Variants in NPL observed in about 807,000 individuals in gnomAD.
The protein encoded by NPL is N-acetylneuraminate pyruvate lyase.
NPL carries 32 observed loss-of-function variants against 41.1 expected under a neutral mutation model. The observed-to-expected ratio is 0.78, with a 90% CI of 0.59 to 1.05. NPL has a LOEUF of 1.05. Among genes scored for constraint, NPL ranks in the 50% least tolerant of loss-of-function variants. The pLI, the probability that NPL is intolerant of heterozygous loss-of-function variation, is 0.00. For missense variants in NPL, 321 were observed against 378.4 expected, an observed-to-expected ratio of 0.85 and a Z score of 1.26; for synonymous variants, 128 against 134.9, an observed-to-expected ratio of 0.95 and a Z score of 0.35.
chr1:182,801,506 C>A (rs71632165), intron 3 of NPL, among the ~76,000 whole-genome samples: 2 of 152,124 alleles, frequency 1.3e-5, no homozygotes, highest in African/African-American at 4.8e-5. Flanking sequence ...AGCCAACTCC[C>A]TAAAAAGAGG....
rs538889831 is a variant in NPL at position 182,821,837 on chromosome 1, C to T, written c.654-278C>T. 7.9e-5 allele frequency among the ~76,000 whole-genome samples: 12 copies of T among 152,308 alleles called. No homozygotes were observed. The East Asian group carries it at 2.3e-3, about 29-fold the overall frequency. ...TGTACCCTAGGGCAAGAGCTGGCCT[C>T]AGTCGCTTCCTAACAAATACACCTC... On this transcript the variant is annotated intron_variant, in intron 10 of 12. Coordinates refer to ENST00000367553, the MANE Select transcript of NPL (RefSeq NM_030769.3).
intron 5 of NPL, among the ~76,000 whole-genome samples, chr1:182,808,959 TAA>T (rs61310123): frequency 3.0e-4 from 35 of 118,248 alleles, no homozygotes; most frequent in Non-Finnish European, 1.8e-4. Flanking sequence ...AACCCTGTCT[TAA>T]AAAAAAAAAA....
At position 182,814,752 on chromosome 1, in the gene NPL, CT is replaced by C. The variant is rs754042370; in HGVS notation, c.289-30del. ...ATAGGTGACTATAGTAAATCACTTGCTCCAATATGGTCTTCTTTCTTCCTTT... is the reference window on the plus strand; with the variant it reads ...ATAGGTGACTATAGTAAATCACTTGCCCAATATGGTCTTCTTTCTTCCTTT... On this transcript the variant is annotated intron_variant, in intron 6 of 12. Transcript: ENST00000367553. 1.3e-5 allele frequency: 20 copies of C among 1,584,652 alleles called. No individual in the cohort carries two copies. In the African/African-American group the frequency reaches 2.4e-4, roughly 19 times the overall value.
At chr1:182,801,441 G>A (rs755444181) in intron 3 of NPL, among the ~76,000 whole-genome samples, 1 of 152,086 alleles carries the variant, frequency 6.6e-6, no homozygotes, top group Non-Finnish European at 1.5e-5. Context: ...TGAAGTTCAT[G>A]GAGAAAAAAG....
At chr1:182,818,891 A>G in intron 10 of NPL, 32 bp downstream of exon 10, 1 of 1,598,580 alleles carries the variant, frequency 6.3e-7, no homozygotes, top group Non-Finnish European at 8.6e-7. Context: ...CAGTGGTTAT[A>G]AAGTCCCCCA....
At chr1:182,812,237 A>G in intron 6 of NPL, 24 bp downstream of exon 6, 1 of 1,608,080 alleles carries the variant, frequency 6.2e-7, no homozygotes, top group Non-Finnish European at 8.5e-7. Flanking sequence ...TCCATCTGGG[A>G]GAGACCATTC....
At chr1:182,808,534 T>C (rs1238587488) in intron 5 of NPL, among the ~76,000 whole-genome samples, 1 of 152,126 alleles carries the variant, frequency 6.6e-6, no homozygotes, top group African/African-American at 2.4e-5. Flanking sequence ...GATGGAGTCA[T>C]ACATTAGGAA....
At chr1:182,793,043 C>T (rs917906285) in intron 2 of NPL, among the ~76,000 whole-genome samples, 5 of 152,174 alleles carry the variant, frequency 3.3e-5, no homozygotes, top group Admixed American at 2.6e-4. Context: ...TTGTTGGTCA[C>T]CTACAGACAT....
chr1:182,828,778 T>C lies in NPL; in HGVS notation c.833T>C (p.Met278Thr). 2 of 1,614,180 alleles carry C rather than the reference T, an allele frequency of 1.2e-6. No homozygotes were observed. The highest frequency in any genetic ancestry group is 2.2e-5 in the East Asian group (1 of 44,872). ...ATGACTCTGGTCTCTGGGATTCCAA[T>C]GGGCCCACCCCGGCTTCCACTGCAG... ...AIMTLVSGIP[M>T]GPPRLPLQKA... is the part of the protein sequence containing the mutation. Residue 278 changes from methionine to threonine, a missense_variant, in exon 13 of 13, where the codon ATG (methionine) becomes ACG (threonine). Physicochemically the swap from Met to Thr is moderately conservative, Grantham distance 81. Transcript: ENST00000367553. This position sits in a 1 kb window ranked among gnomAD's most constrained non-coding sequence, Gnocchi z 4.0.
intron 7 of NPL, 44 bp from the exon 8 acceptor site, chr1:182,816,670 T>C: frequency 7.2e-7 from 1 of 1,391,756 alleles, no homozygotes; most frequent in Non-Finnish European, 1.0e-6. Context: ...AAAGCCACTG[T>C]TTTACACCTG....
At chr1:182,792,862 G>A (rs1666555293) in intron 2 of NPL, among the ~76,000 whole-genome samples, 1 of 152,204 alleles carries the variant, frequency 6.6e-6, no homozygotes, top group Non-Finnish European at 1.5e-5. Flanking sequence ...TATGGTCTCT[G>A]TACTTCAGAA....
intron 3 of NPL, among the ~76,000 whole-genome samples, chr1:182,802,352 C>T (rs1462203825): frequency 6.6e-6 from 1 of 152,250 alleles, no homozygotes; most frequent in Non-Finnish European, 1.5e-5. Flanking sequence ...GCATTCTTTG[C>T]ATTTAATAGC....
At chr1:182,790,291 A>C (rs1277258861) in intron 1 of NPL, among the ~76,000 whole-genome samples, 1 of 152,186 alleles carries the variant, frequency 6.6e-6, no homozygotes, top group East Asian at 1.9e-4. Context: ...TGCCATTTAA[A>C]AAAGAATTTG....
At chr1:182,798,012 C>A (rs920681340) in intron 3 of NPL, among the ~76,000 whole-genome samples, 2 of 152,148 alleles carry the variant, frequency 1.3e-5, no homozygotes, top group Admixed American at 6.5e-5. Context: ...CTGATTGATG[C>A]TATGTCAGTC....
intron 5 of NPL, chr1:182,806,442 C>G (rs976544268): frequency 5.2e-6 from 8 of 1,536,836 alleles, no homozygotes; most frequent in African/African-American, 1.4e-5. Flanking sequence ...CTGCTAGACA[C>G]ACCTGCCACC....
Position 182,825,779 on chromosome 1 carries a change from A to G in NPL, c.739-2A>G. The G allele has an allele frequency of 1.9e-6, 3 of 1,560,928 alleles. No homozygotes were observed. Among genetic ancestry groups the G allele is most frequent in the Non-Finnish European group, 2.6e-6 (3 of 1,133,710 alleles). ...AACTATAGATATGTTGTTCTTTTCT[A>G]GTTTTGTATCCAGAGATTTATCAAC... On this transcript the variant is annotated splice_acceptor_variant, in intron 11 of 12. Coordinates refer to ENST00000367553, the MANE Select transcript of NPL (RefSeq NM_030769.3). LOFTEE classifies it high-confidence loss of function.
At chr1:182,807,720 C>CAAA (rs753955697) in intron 5 of NPL, among the ~76,000 whole-genome samples, 5 of 55,430 alleles carry the variant, frequency 9.0e-5, no homozygotes, top group African/African-American at 1.8e-4. Context: ...ACTAAAAATA[C>CAAA]AAAAAAAAAA....
At chr1:182,800,353 T>C (rs1666802921) in intron 3 of NPL, among the ~76,000 whole-genome samples, 1 of 150,302 alleles carries the variant, frequency 6.7e-6, no homozygotes, top group Admixed American at 6.7e-5. Flanking sequence ...AGAGGATCAC[T>C]TGAGCCTGGG....
rs1442461329 is a variant in NPL at position 182,828,178 on chromosome 1, G to A, written c.779-546G>A. Among the ~76,000 whole-genome samples, 1 of 152,036 alleles carries A rather than the reference G, an allele frequency of 6.6e-6. No individual in the cohort carries two copies. Among genetic ancestry groups the A allele is most frequent in the African/African-American group, 2.4e-5 (1 of 41,370 alleles). On this transcript the variant is annotated intron_variant, in intron 12 of 12. Coordinates refer to ENST00000367553, the MANE Select transcript of NPL (RefSeq NM_030769.3). The surrounding 1 kb of genome is among the most constrained non-coding windows in gnomAD (Gnocchi z 4.0). ...GTTTTACATAGGTAGTTTAATTCCA[G>A]CTTCTCACCATGCATAGATCTAAGG...
Sources: gnomAD v4.1 joint callset for allele counts (sites outside exome capture counted in the v4.1 genomes callset) on GRCh38, gnomAD v4.1.1 for gene constraint, Gnocchi (gnomAD v3.1) non-coding constraint, MANE v1.5 for transcripts, NCBI Gene and HGNC (gene_info 2026-07-23, HGNC 2026-07-21) for gene names.